ARFIP1: variants seen among roughly 807,000 people sequenced by gnomAD.
ARFIP1 encodes arfaptin-1.
A neutral mutation model predicts 42.5 loss-of-function variants in ARFIP1; 24 were observed. That is an observed-to-expected ratio of 0.57 (90% confidence interval 0.41 to 0.80). ARFIP1 has a LOEUF of 0.80. Among genes scored for constraint, ARFIP1 ranks in the 30% least tolerant of loss-of-function variants. The probability of loss-of-function intolerance (pLI) is 0.00; values close to 1 mark genes in which losing one functional copy is unlikely to be tolerated. For synonymous variants in ARFIP1, 141 were observed against 153.7 expected (o/e 0.92, Z 0.61); for missense variants, 354 against 434.0 (o/e 0.82, Z 1.64).
In ARFIP1 at chr4:152,855,357, G is replaced by C. The variant is rs146746115; in HGVS notation, c.94-8249G>C. On this transcript the variant is annotated intron_variant, in intron 2 of 8. Transcript: ENST00000353617. ...GTGTACAGGTGTGCTAGCTGTGGTG[G>C]GGAGGGGTGGGGTGCAGAATGCGTG... Among the ~76,000 whole-genome samples the C allele has an allele frequency of 2.9e-3, 443 of 152,272 alleles. 3 individuals are homozygous for C. The highest frequency in any genetic ancestry group is 5.2e-3 in the Non-Finnish European group (356 of 68,004).
intron 1 of ARFIP1, among the ~76,000 whole-genome samples, chr4:152,805,245 A>G (rs1728908422): frequency 6.6e-6 from 1 of 152,218 alleles, no homozygotes; most frequent in Non-Finnish European, 1.5e-5. Context: ...TGTAAATCTG[A>G]TGTCAAGGTC....
At chr4:152,843,961 A>G (rs572341564) in intron 2 of ARFIP1, among the ~76,000 whole-genome samples, 6 of 152,218 alleles carry the variant, frequency 3.9e-5, no homozygotes, top group African/African-American at 1.4e-4. Flanking sequence ...AAATTGTTAC[A>G]AAGTTCAGCT....
chr4:152,840,775 A>G (rs554871882), intron 2 of ARFIP1, among the ~76,000 whole-genome samples: 50 of 146,360 alleles, frequency 3.4e-4, no homozygotes, highest in Non-Finnish European at 6.4e-4. Flanking sequence ...GTGGAGTGCA[A>G]TGGCGCAATC....
intron 2 of ARFIP1, among the ~76,000 whole-genome samples, chr4:152,861,697 A>C (rs918265866): frequency 1.3e-5 from 2 of 152,178 alleles, no homozygotes; most frequent in African/African-American, 4.8e-5. Context: ...TAGTGATTTA[A>C]TAATCCCTTT....
chr4:152,822,340 G>C (rs1730457075), intron 1 of ARFIP1, among the ~76,000 whole-genome samples: 1 of 134,632 alleles, frequency 7.4e-6, no homozygotes, highest in Admixed American at 7.2e-5. Context: ...TTATATAATA[G>C]TAAAAAGTTC....
At chr4:152,884,731 T>A (rs1472143029) in intron 7 of ARFIP1, among the ~76,000 whole-genome samples, 4 of 152,070 alleles carry the variant, frequency 2.6e-5, no homozygotes, top group Non-Finnish European at 5.9e-5. Flanking sequence ...TTTGCTCACT[T>A]GTAGTCAATT....
intron 8 of ARFIP1, among the ~76,000 whole-genome samples, chr4:152,902,971 A>G (rs1737972614): frequency 6.6e-6 from 1 of 152,224 alleles, no homozygotes; most frequent in Non-Finnish European, 1.5e-5. Context: ...GTATAGTAAC[A>G]GCATGATTCT....
chr4:152,866,582 G>C (rs916557689), intron 3 of ARFIP1, among the ~76,000 whole-genome samples: 1 of 124,154 alleles, frequency 8.1e-6, no homozygotes, highest in Non-Finnish European at 1.7e-5. Flanking sequence ...GCGGCTGGCC[G>C]GGCGGGGGCT....
chr4:152,837,206 A>G (rs1167397676), intron 2 of ARFIP1, among the ~76,000 whole-genome samples: 1 of 152,008 alleles, frequency 6.6e-6, no homozygotes, highest in Admixed American at 6.6e-5. Flanking sequence ...TGTTTCCATG[A>G]TTTTGCTATT....
chr4:152,905,615 C>T (rs6848296), intron 8 of ARFIP1, among the ~76,000 whole-genome samples: 53,228 of 134,294 alleles, frequency 0.4, 11,012 homozygotes, highest in Admixed American at 0.53. Flanking sequence ...TGCAGTGGCG[C>T]GATACGGGCT....
intron 3 of ARFIP1, among the ~76,000 whole-genome samples, chr4:152,866,586 G>A (rs1388247637): frequency 2.4e-4 from 36 of 151,546 alleles, no homozygotes; most frequent in African/African-American, 3.6e-4. Flanking sequence ...CTGGCCGGGC[G>A]GGGGCTGACC....
intron 3 of ARFIP1, among the ~76,000 whole-genome samples, chr4:152,867,860 A>G (rs1462110008): frequency 6.6e-6 from 1 of 152,250 alleles, no homozygotes; most frequent in Non-Finnish European, 1.5e-5. Flanking sequence ...TCAGTGTATT[A>G]GGAAAATAAT....
At chr4:152,797,420 A>G (rs932837567) in intron 1 of ARFIP1, among the ~76,000 whole-genome samples, 7 of 152,188 alleles carry the variant, frequency 4.6e-5, no homozygotes, top group African/African-American at 1.4e-4. Context: ...TCCTTTTTCA[A>G]TGATTTCCTA....
At chr4:152,791,181 T>A (rs1237915079) in intron 1 of ARFIP1, among the ~76,000 whole-genome samples, 1 of 152,224 alleles carries the variant, frequency 6.6e-6, no homozygotes, top group African/African-American at 2.4e-5. Context: ...TTCTGTATTA[T>A]CTTCTTTGGT....
At chr4:152,875,378 TAAAAAAAA>T (rs11302481) in intron 5 of ARFIP1, among the ~76,000 whole-genome samples, 1 of 100,162 alleles carries the variant, frequency 1.0e-5, no homozygotes, top group Non-Finnish European at 2.2e-5. Context: ...TCTTTTTTTA[TAAAAAAAA>T]AAAAAAAAAA....
At chr4:152,820,053 C>G (rs982623419) in intron 1 of ARFIP1, among the ~76,000 whole-genome samples, 1 of 152,092 alleles carries the variant, frequency 6.6e-6, no homozygotes, top group South Asian at 2.1e-4. Context: ...ATCTGAATAG[C>G]TGGAACACTG....
At chr4:152,840,595 G>T (rs1486988581) in intron 2 of ARFIP1, among the ~76,000 whole-genome samples, 1 of 152,052 alleles carries the variant, frequency 6.6e-6, no homozygotes, top group Non-Finnish European at 1.5e-5. Context: ...GTGTGCATTG[G>T]CATAAAATGC....
intron 1 of ARFIP1, among the ~76,000 whole-genome samples, chr4:152,795,070 TC>T (rs1237987907): frequency 2.0e-5 from 3 of 152,168 alleles, no homozygotes; most frequent in Admixed American, 6.5e-5. Context: ...GCTACTCTGT[TC>T]CCAAGCCCTT....
intron 2 of ARFIP1, among the ~76,000 whole-genome samples, chr4:152,855,362 G>C (rs1316656495): frequency 6.6e-6 from 1 of 152,136 alleles, no homozygotes; most frequent in Non-Finnish European, 1.5e-5. Context: ...TGGTGGGGAG[G>C]GGTGGGGTGC....
Sources: gnomAD v4.1 joint callset for allele counts (sites outside exome capture counted in the v4.1 genomes callset) on GRCh38, gnomAD v4.1.1 for gene constraint, MANE v1.5 for transcripts, NCBI Gene and HGNC (gene_info 2026-07-23, HGNC 2026-07-21) for gene names.